NCBP2: variants seen among roughly 807,000 people sequenced by gnomAD.
The protein encoded by NCBP2 is nuclear cap-binding protein subunit 2.
In NCBP2, 8 loss-of-function variants were observed where a neutral mutation model predicts 21.5. The observed-to-expected ratio is 0.37, with a 90% CI of 0.22 to 0.67. The LOEUF is 0.67. Among genes scored for constraint, NCBP2 ranks in the 30% least tolerant of loss-of-function variants. The pLI is 0.56. For synonymous variants in NCBP2, 92 were observed against 75.8 expected (o/e 1.21, Z -1.11); for missense variants, 127 against 206.9 (o/e 0.61, Z 2.37).
intron 1 of NCBP2, chr3:196,941,685 C>T: frequency 3.6e-6 from 2 of 551,988 alleles, no homozygotes; most frequent in Admixed American, 3.4e-5. Flanking sequence ...GCCCCGCCAA[C>T]CCCCAACCGT....
chr3:196,939,204 A>G, intron 2 of NCBP2, 47 bp downstream of exon 2: 1 of 1,553,826 alleles, frequency 6.4e-7, no homozygotes, highest in Non-Finnish European at 8.9e-7. Context: ...TACCACTCTC[A>G]GCTCTACCCT....
In NCBP2 at chr3:196,942,173, C is replaced by G. The variant is rs563942807; in HGVS notation, c.78+253G>C. ...CACCGCTCAAACCTCTCGGCACTGGCTGGGGTACAGGGAGCGGCTGCGAGC... is the reference window on the plus strand; with the variant it reads ...CACCGCTCAAACCTCTCGGCACTGGGTGGGGTACAGGGAGCGGCTGCGAGC... On this transcript the variant is annotated intron_variant, in intron 1 of 3. Coordinates refer to ENST00000321256, the MANE Select transcript of NCBP2 (RefSeq NM_007362.5). The G allele has an allele frequency of 2.7e-6, 4 of 1,458,568 alleles. No homozygotes were observed. The East Asian group carries it at 9.9e-5, about 36-fold the overall frequency. The allele number at this position is 1,458,568 out of a possible 1,614,324, so 90.4% of individuals were successfully genotyped here.
intron 1 of NCBP2, 134 bp downstream of exon 1, chr3:196,942,292 C>T (rs1716629848): frequency 9.2e-6 from 14 of 1,514,926 alleles, no homozygotes; most frequent in Non-Finnish European, 1.2e-5. Context: ...CCCTGCCTCG[C>T]CAGCAGGCAC....
In NCBP2 at chr3:196,936,544, G is replaced by C. The variant is rs1716272875; in HGVS notation, c.*467C>G. ...TTCCTCCTCAGCCTCCCAAAGTGTT[G>C]GGATTACACGTGTGAGCCACCATGC... On this transcript the variant is annotated 3_prime_UTR_variant, in exon 4 of 4. Transcript: ENST00000321256. 1 of 162,256 alleles carries C rather than the reference G, an allele frequency of 6.2e-6. No individual in the cohort carries two copies. Among genetic ancestry groups the C allele is most frequent in the Non-Finnish European group, 1.3e-5 (1 of 74,144 alleles). 10.1% of individuals were successfully genotyped at this position (162,256 alleles called of 1,614,324 possible). A position where few individuals can be genotyped will look rare whatever the true frequency, so the allele number is the denominator to read the frequency against.
chr3:196,937,087 AATGG>A lies in NCBP2; in HGVS notation c.400-9_400-6del. On this transcript the variant is annotated splice_region_variant and splice_polypyrimidine_tract_variant and intron_variant, in intron 3 of 3. Transcript: ENST00000321256. ...CTGCCGATACTCATCCCGAACCTTTAATGGAAAGAATCCAGAGTTACAGTATGGA... is the reference window on the plus strand; with the variant it reads ...CTGCCGATACTCATCCCGAACCTTTAAAAGAATCCAGAGTTACAGTATGGA... 1.2e-6 allele frequency: 2 copies of A among 1,613,960 alleles called. No homozygotes were observed. Among genetic ancestry groups the A allele is most frequent in the Non-Finnish European group, 1.7e-6 (2 of 1,179,868 alleles).
rs1176782144 is a variant in NCBP2, at chr3:196,935,580, A to G, written c.*1431T>C. ...GTGTATCCTCATTAAATGTTTGCAA[A>G]GTTTCTTCCTAAGCACTTACAACTA... On this transcript the variant is annotated 3_prime_UTR_variant, in exon 4 of 4. Transcript: ENST00000321256. The G allele has an allele frequency of 6.6e-6, 1 of 152,200 alleles. No individual in the cohort carries two copies. Among genetic ancestry groups the G allele is most frequent in the Non-Finnish European group, 1.5e-5 (1 of 68,046 alleles). The allele number at this position is 152,200 out of a possible 1,614,324, so 9.4% of individuals were successfully genotyped here. A position where few individuals can be genotyped will look rare whatever the true frequency, so the allele number is the denominator to read the frequency against.
At chr3:196,937,339 C>T (rs781639112) in intron 3 of NCBP2, 171 bp downstream of exon 3, 11 of 976,536 alleles carry the variant, frequency 1.1e-5, no homozygotes, top group South Asian at 1.7e-5. Context: ...TACCATTTCA[C>T]GGTTTAAAAA....
rs1716643568 is a variant in NCBP2, at chr3:196,942,421, C to T, written c.78+5G>A. 6.2e-7 allele frequency: 1 copy of T among 1,612,072 alleles called. No homozygotes were observed. Among genetic ancestry groups the T allele is most frequent in the Admixed American group, 1.7e-5 (1 of 59,796 alleles). ...CTTCCCGTCTCGCGGCCCGGCCTCC[C>T]TCACCCGGAAGTGCTGGTCCCGGTA... On this transcript the variant is annotated splice_donor_5th_base_variant and intron_variant, in intron 1 of 3. Transcript: ENST00000321256.
rs1207602448 is a variant in NCBP2, at chr3:196,936,598, C to G, written c.*413G>C. 5.7e-6 allele frequency: 1 copy of G among 176,618 alleles called. No homozygotes were observed. Among genetic ancestry groups the G allele is most frequent in the Non-Finnish European group, 1.2e-5 (1 of 82,688 alleles). The allele number at this position is 176,618 out of a possible 1,614,324, so 10.9% of individuals were successfully genotyped here. Reference sequence around the variant, plus strand: ...GCCCCACCTCCATTTATTAGGCTATCTCATGCAAACTTAAAATTAAAAAAA... The same window carrying G: ...GCCCCACCTCCATTTATTAGGCTATGTCATGCAAACTTAAAATTAAAAAAA... On this transcript the variant is annotated 3_prime_UTR_variant, in exon 4 of 4. Transcript: ENST00000321256.
chr3:196,937,028 G>A lies in NCBP2; in HGVS notation c.454C>T (p.Leu152=). 1 of 1,614,146 alleles carries A rather than the reference G, an allele frequency of 6.2e-7. No individual in the cohort carries two copies. The highest frequency in any genetic ancestry group is 8.5e-7 in the Non-Finnish European group (1 of 1,180,026). The change falls in exon 4 of 4, where the codon CTG becomes TTG. Residue 152 remains leucine, a synonymous_variant. Transcript: ENST00000321256. ...YDAGRGGYGK[L]AQNQ is the part of the protein sequence containing the mutation. ...CTCACCACTCACTGGTTCTGTGCCA[G>A]TTTTCCATAGCCTCCTCTCCCAGCA...
At chr3:196,938,180 T>C (rs1352899511) in intron 2 of NCBP2, 1 of 152,466 alleles carries the variant, frequency 6.6e-6, no homozygotes, top group Non-Finnish European at 1.5e-5. Flanking sequence ...GAATAAACCA[T>C]CTGGAGAAAC....
At chr3:196,942,172 G>T in intron 1 of NCBP2, 1 of 1,458,514 alleles carries the variant, frequency 6.9e-7, no homozygotes, top group African/African-American at 1.4e-5. Flanking sequence ...CTCGGCACTG[G>T]CTGGGGTACA....
chr3:196,937,567 G>A lies in NCBP2; in HGVS notation c.342C>T (p.Asp114=), dbSNP rs758347384. The A allele has an allele frequency of 1.9e-6, 3 of 1,614,188 alleles. No individual in the cohort carries two copies. The highest frequency in any genetic ancestry group is 2.5e-6 in the Non-Finnish European group (3 of 1,180,038). Residue 114 remains aspartate (D), a synonymous_variant, in exon 3 of 4, where the codon GAC becomes GAT. Coordinates refer to ENST00000321256, the MANE Select transcript of NCBP2 (RefSeq NM_007362.5). ...TRLDDRIIRT[D]WDAGFKEGRQ... is the part of the protein sequence containing the mutation. ...TGCCCTCCTTAAAGCCTGCGTCCCA[G>A]TCTGTGCGAATGATTCGGTCATCCA...
rs373587690 is a variant in NCBP2 at position 196,939,217 on chromosome 3, T to C, written c.260+34A>G. The C allele has an allele frequency of 2.7e-4, 437 of 1,590,848 alleles. 1 individual carries two copies. Among genetic ancestry groups the C allele is most frequent in the Non-Finnish European group, 3.2e-4 (366 of 1,159,100 alleles). On this transcript the variant is annotated intron_variant, in intron 2 of 3. Transcript: ENST00000321256. The stretch of plus-strand genomic sequence containing the variant: ...GCTACCACTCTCAGCTCTACCCTGG[T>C]TCAGCAGCTACATTAGATCCATGGG...
At chr3:196,939,784 C>T (rs968894086) in intron 1 of NCBP2, 30 of 188,516 alleles carry the variant, frequency 1.6e-4, no homozygotes, top group Non-Finnish European at 2.7e-4. Context: ...CAATATATGA[C>T]AAAGGGCCCT....
chr3:196,941,587 T>C (rs753619843), intron 1 of NCBP2: 6 of 381,580 alleles, frequency 1.6e-5, no homozygotes, highest in South Asian at 3.9e-5. Context: ...GCGCAGAAAC[T>C]GTCTTCCCTC....
At chr3:196,942,349 C>A in intron 1 of NCBP2, 77 bp downstream of exon 1, 1 of 1,558,512 alleles carries the variant, frequency 6.4e-7, no homozygotes, top group South Asian at 1.2e-5. Flanking sequence ...TGGGAGGCGA[C>A]ACAATGAGAC....
intron 1 of NCBP2, chr3:196,941,685 C>A: frequency 2.0e-5 from 11 of 551,972 alleles, no homozygotes; most frequent in Non-Finnish European, 2.6e-5. Context: ...GCCCCGCCAA[C>A]CCCCAACCGT....
chr3:196,937,032 T>A lies in NCBP2; in HGVS notation c.450A>T (p.Gly150=), dbSNP rs564004628. ...QDYDAGRGGY[G]KLAQNQ ...CCACTCACTGGTTCTGTGCCAGTTT[T>A]CCATAGCCTCCTCTCCCAGCATCGT... Residue 150 remains glycine, a synonymous_variant, in exon 4 of 4, where the codon GGA becomes GGT. Coordinates refer to ENST00000321256, the MANE Select transcript of NCBP2 (RefSeq NM_007362.5). 1.9e-6 allele frequency: 3 copies of A among 1,614,174 alleles called. No individual in the cohort carries two copies. Among genetic ancestry groups the A allele is most frequent in the Admixed American group, 1.7e-5 (1 of 60,020 alleles).
Sources: gnomAD v4.1 joint callset for allele counts on GRCh38, gnomAD v4.1.1 for gene constraint, MANE v1.5 for transcripts, NCBI Gene and HGNC (gene_info 2026-07-23, HGNC 2026-07-21) for gene names.